IFT56: variants seen among roughly 807,000 people sequenced by gnomAD.
IFT56 encodes the protein intraflagellar transport 56, also known as intraflagellar transport protein 56.
chr7:139,154,172 T>A, the IFT56 span, among the ~76,000 whole-genome samples: 11 of 152,172 alleles, frequency 7.2e-5, no homozygotes, highest in Admixed American at 5.2e-4. Context: ...GCCCATTTTT[T>A]AAATAAGTTA....
At chr7:139,135,995 C>T in the IFT56 span, among the ~76,000 whole-genome samples, 2 of 152,104 alleles carry the variant, frequency 1.3e-5, no homozygotes, top group South Asian at 4.2e-4. Context: ...GCAATCTCAG[C>T]TCACTGCAAC....
the IFT56 span, among the ~76,000 whole-genome samples, chr7:139,163,466 TAA>T: frequency 1.3e-5 from 2 of 152,194 alleles, no homozygotes; most frequent in Admixed American, 6.5e-5. Flanking sequence ...TGAATTTGGC[TAA>T]AGAGATTAAT....
chr7:139,160,948 G>A, the IFT56 span: 1 of 1,612,748 alleles, frequency 6.2e-7, no homozygotes, highest in Admixed American at 1.7e-5. Context: ...TAAATTTCAG[G>A]CAGAACTCAA....
chr7:139,143,122 T>A, the IFT56 span, among the ~76,000 whole-genome samples: 1 of 152,154 alleles, frequency 6.6e-6, no homozygotes, highest in African/African-American at 2.4e-5. Context: ...ATTTATAATT[T>A]TAAAAATTTA....
chr7:139,156,846 A>G, the IFT56 span, among the ~76,000 whole-genome samples: 4 of 152,188 alleles, frequency 2.6e-5, no homozygotes, highest in Non-Finnish European at 4.4e-5. Context: ...CCTCAATGCC[A>G]TACGGCCTTA....
the IFT56 span, among the ~76,000 whole-genome samples, chr7:139,186,721 G>A: frequency 6.6e-6 from 1 of 152,092 alleles, no homozygotes; most frequent in Non-Finnish European, 1.5e-5. Context: ...ATGTACTGAA[G>A]AGACTTGAAA....
chr7:139,156,275 T>A, the IFT56 span, among the ~76,000 whole-genome samples: 1 of 152,118 alleles, frequency 6.6e-6, no homozygotes, highest in Non-Finnish European at 1.5e-5. Context: ...CTTAATCTTT[T>A]CAAGGAACCG....
At chr7:139,142,122 T>C in the IFT56 span, 2 of 890,752 alleles carry the variant, frequency 2.2e-6, no homozygotes, top group Non-Finnish European at 3.6e-6. Context: ...ACTCAAACAA[T>C]ATGTATTCTA....
the IFT56 span, among the ~76,000 whole-genome samples, chr7:139,151,331 T>TGA: frequency 1.3e-5 from 2 of 151,810 alleles, no homozygotes; most frequent in Non-Finnish European, 2.9e-5. Flanking sequence ...GGCAAACAGA[T>TGA]GATGAAAAAA....
chr7:139,172,392 G>A, the IFT56 span: 1 of 343,842 alleles, frequency 2.9e-6, no homozygotes, highest in Non-Finnish European at 5.6e-6. Flanking sequence ...CTCTGTCAGA[G>A]CCGCCAGGTG....
chr7:139,190,844 C>T, the IFT56 span: 1 of 152,144 alleles, frequency 6.6e-6, no homozygotes, highest in Non-Finnish European at 1.5e-5. Flanking sequence ...CCTAGTGTTA[C>T]AGGTCTAGAA....
the IFT56 span, among the ~76,000 whole-genome samples, chr7:139,188,795 TC>T: frequency 4.6e-5 from 7 of 152,366 alleles, no homozygotes; most frequent in African/African-American, 1.7e-4. Flanking sequence ...GTCCATCTCT[TC>T]CATTTTATTC....
the IFT56 span, chr7:139,173,186 C>A: frequency 1.7e-6 from 1 of 575,652 alleles, no homozygotes; most frequent in African/African-American, 1.9e-5. Flanking sequence ...GTGTTTATGG[C>A]ACTTTCCTTA....
the IFT56 span, among the ~76,000 whole-genome samples, chr7:139,172,322 G>A: frequency 1.3e-5 from 2 of 152,158 alleles, no homozygotes; most frequent in African/African-American, 4.8e-5. Flanking sequence ...GAGCACTATA[G>A]GCACCCAGGA....
the IFT56 span, among the ~76,000 whole-genome samples, chr7:139,177,033 G>C: frequency 6.6e-6 from 1 of 151,876 alleles, no homozygotes; most frequent in Non-Finnish European, 1.5e-5. Context: ...TTAACCAGGT[G>C]TGGTGGTGTG....
At chr7:139,134,939 A>G in the IFT56 span, 19 of 814,850 alleles carry the variant, frequency 2.3e-5, no homozygotes, top group Non-Finnish European at 3.5e-5. Context: ...AGTCAGGCAC[A>G]GATTCCAGAT....
chr7:139,178,510 T>C, the IFT56 span: 1 of 1,613,492 alleles, frequency 6.2e-7, no homozygotes. Flanking sequence ...TGGGATGTTT[T>C]TCAGAGTTAC....
chr7:139,140,951 C>CT, the IFT56 span, among the ~76,000 whole-genome samples: 1,692 of 136,140 alleles, frequency 0.012, 23 homozygotes, highest in Non-Finnish European at 0.017. Context: ...AACTTGAAGA[C>CT]TTTTTTTTTT....
chr7:139,147,707 G>A, the IFT56 span, among the ~76,000 whole-genome samples: 1 of 152,140 alleles, frequency 6.6e-6, no homozygotes, highest in African/African-American at 2.4e-5. Flanking sequence ...CAAACTTAGT[G>A]TTATAGTTAC....
Sources: allele counts gnomAD v4.1 joint callset (sites outside exome capture counted in the v4.1 genomes callset), GRCh38; gene constraint gnomAD v4.1.1; transcripts MANE v1.5; gene names NCBI Gene and HGNC (gene_info 2026-07-23, HGNC 2026-07-21).